CDH4: variants seen among roughly 807,000 people sequenced by gnomAD.
CDH4 encodes cadherin 4.
In CDH4, 33 loss-of-function variants were observed where a neutral mutation model predicts 86.0. The ratio of observed to expected loss-of-function variants is 0.38; its 90% CI spans 0.29 to 0.51. The LOEUF is 0.51. Ranked by LOEUF, CDH4 falls within the 20% of genes least tolerant of loss-of-function variation. CDH4 has a pLI of 0.86. For synonymous variants in CDH4, 555 were observed against 549.4 expected (o/e 1.01, Z -0.14); for missense variants, 1,114 against 1,307.4 (o/e 0.85, Z 2.28).
chr20:61,766,360 C>T (rs2145976958), intron 3 of CDH4, among the ~76,000 whole-genome samples: 1 of 152,192 alleles, frequency 6.6e-6, no homozygotes. Flanking sequence ...CAGAGCTCAT[C>T]CTAGGCCCCC....
intron 2 of CDH4, among the ~76,000 whole-genome samples, chr20:61,554,877 T>C (rs368158989): frequency 0.041 from 5,582 of 134,734 alleles, 246 homozygotes; most frequent in African/African-American, 0.14. Flanking sequence ...TGTGTCTGAG[T>C]AAGCTCACGT....
intron 2 of CDH4, among the ~76,000 whole-genome samples, chr20:61,321,027 C>T (rs1243652214): frequency 6.6e-6 from 1 of 152,050 alleles, no homozygotes; most frequent in Non-Finnish European, 1.5e-5. Context: ...TTTAAACCCC[C>T]GGGTCCTTCC....
At chr20:61,365,685 G>A (rs1482776611) in intron 2 of CDH4, among the ~76,000 whole-genome samples, 5 of 152,294 alleles carry the variant, frequency 3.3e-5, no homozygotes, top group Admixed American at 6.5e-5. Flanking sequence ...ACTCATTGAC[G>A]CAGCAGAGTC....
intron 2 of CDH4, among the ~76,000 whole-genome samples, chr20:61,720,988 C>T (rs905011742): frequency 3.3e-5 from 5 of 152,144 alleles, no homozygotes; most frequent in Admixed American, 6.5e-5. Context: ...ATCCGACGTT[C>T]CGAGGGTTCA....
intron 2 of CDH4, among the ~76,000 whole-genome samples, chr20:61,329,064 G>C (rs2084553804): frequency 6.6e-6 from 1 of 152,184 alleles, no homozygotes. Context: ...GTAACATGTT[G>C]AGTGTCTTGT....
intron 9 of CDH4, among the ~76,000 whole-genome samples, chr20:61,918,933 C>T (rs536305149): frequency 7.9e-5 from 12 of 152,160 alleles, no homozygotes; most frequent in African/African-American, 2.4e-4. Flanking sequence ...TGCAGTGGTA[C>T]GATCACTGCT....
chr20:61,602,876 G>A (rs1387066251), intron 2 of CDH4, among the ~76,000 whole-genome samples: 2 of 152,182 alleles, frequency 1.3e-5, no homozygotes, highest in East Asian at 1.9e-4. Context: ...AACGTGTTAC[G>A]GTTTCGCTTC....
chr20:61,927,989 G>A (rs1266675294), intron 11 of CDH4, among the ~76,000 whole-genome samples: 4 of 152,336 alleles, frequency 2.6e-5, no homozygotes, highest in Admixed American at 6.5e-5. Flanking sequence ...GCAGGGTGTC[G>A]GTCAGGAGCC....
Position 61,578,244 on chromosome 20 carries a change from A to G in CDH4, c.170-165319A>G, listed in dbSNP as rs1212036076. 2.0e-5 allele frequency among the ~76,000 whole-genome samples: 3 copies of G among 152,194 alleles called. No homozygotes were observed. In the East Asian group the frequency reaches 5.8e-4, roughly 29 times the overall value. On this transcript the variant is annotated intron_variant, in intron 2 of 15. Coordinates refer to ENST00000614565, the MANE Select transcript of CDH4 (RefSeq NM_001794.5). ...CCCACCAAAGAGAATGGCTACTGAG[A>G]ATGTGTTGGGCACCAGGGAGAGGCC...
In CDH4 at chr20:61,744,359, GGA is replaced by G. The variant is rs2088383193; in HGVS notation, c.396+574_396+575del. On this transcript the variant is annotated intron_variant, in intron 3 of 15. Coordinates refer to ENST00000614565, the MANE Select transcript of CDH4 (RefSeq NM_001794.5). ...GAGAGAGACAGGAAAGGAGAGGGAG[GGA>G]GAGGAAGAGAGGGAGAGAGAGAAGG... Among the ~76,000 whole-genome samples, 3 of 150,298 alleles carry G rather than the reference GGA, an allele frequency of 2.0e-5. No homozygotes were observed. In the South Asian group the frequency reaches 6.4e-4, roughly 32 times the overall value.
Position 61,911,400 on chromosome 20 carries a change from C to T in CDH4, c.1374+793C>T, listed in dbSNP as rs114420530. On this transcript the variant is annotated intron_variant, in intron 9 of 15. Coordinates refer to ENST00000614565, the MANE Select transcript of CDH4 (RefSeq NM_001794.5). ...TTCTACACTCATAATTCATATTCCCCTGGAAGGGCAGATTGGGAATTATAT... is the reference window on the plus strand; with the variant it reads ...TTCTACACTCATAATTCATATTCCCTTGGAAGGGCAGATTGGGAATTATAT... 1.5e-3 allele frequency among the ~76,000 whole-genome samples: 230 copies of T among 152,304 alleles called. 3 individuals are homozygous for T. The highest frequency in any genetic ancestry group is 5.4e-3 in the African/African-American group (225 of 41,560).
intron 2 of CDH4, among the ~76,000 whole-genome samples, chr20:61,710,854 G>A (rs551811244): frequency 1.7e-3 from 254 of 152,320 alleles, no homozygotes; most frequent in African/African-American, 5.7e-3. Context: ...CCTGAAAGGG[G>A]GTCCCTGCCC....
intron 9 of CDH4, among the ~76,000 whole-genome samples, chr20:61,922,458 C>T (rs1297516272): frequency 6.6e-6 from 1 of 152,210 alleles, no homozygotes; most frequent in Non-Finnish European, 1.5e-5. Flanking sequence ...AATGCAGGGG[C>T]CAAGTGCAGC....
chr20:61,893,851 A>G (rs1337264909), intron 7 of CDH4, among the ~76,000 whole-genome samples: 2 of 149,936 alleles, frequency 1.3e-5, no homozygotes, highest in African/African-American at 2.5e-5. Flanking sequence ...GGCTGGGTGG[A>G]TGGATGGATG....
chr20:61,677,455 A>C (rs2087455472), intron 2 of CDH4, among the ~76,000 whole-genome samples: 1 of 152,186 alleles, frequency 6.6e-6, no homozygotes, highest in Non-Finnish European at 1.5e-5. Context: ...CTTTTTGTTA[A>C]TGTGTTATAG....
rs1981503635 is a variant in CDH4, at chr20:61,829,717, C to T, written c.577-14951C>T. Among the ~76,000 whole-genome samples the T allele has an allele frequency of 6.6e-6, 1 of 152,176 alleles. No individual in the cohort carries two copies. Among genetic ancestry groups the T allele is most frequent in the Admixed American group, 6.5e-5 (1 of 15,282 alleles). On this transcript the variant is annotated intron_variant, in intron 4 of 15. Coordinates refer to ENST00000614565, the MANE Select transcript of CDH4 (RefSeq NM_001794.5). The surrounding 1 kb of genome is among the most constrained non-coding windows in gnomAD (Gnocchi z 4.2). ...CCAGGAGGCTCCCTCTGTGCCGACGCCCGTGGGCTGCAGACGGGTGGGTGA... is the reference window on the plus strand; with the variant it reads ...CCAGGAGGCTCCCTCTGTGCCGACGTCCGTGGGCTGCAGACGGGTGGGTGA...
chr20:61,830,273 C>G (rs1461687534), intron 4 of CDH4, among the ~76,000 whole-genome samples: 1 of 152,166 alleles, frequency 6.6e-6, no homozygotes, highest in Non-Finnish European at 1.5e-5. Context: ...CGCAGCACGG[C>G]ACATCCTGGG....
chr20:61,486,983 C>T (rs2085600280), intron 2 of CDH4, among the ~76,000 whole-genome samples: 1 of 152,136 alleles, frequency 6.6e-6, no homozygotes, highest in African/African-American at 2.4e-5. Flanking sequence ...CGTGTGTACC[C>T]AGTGGTGCCT....
At chr20:61,934,771 A>G (rs1333654748) in intron 15 of CDH4, among the ~76,000 whole-genome samples, 1 of 127,768 alleles carries the variant, frequency 7.8e-6, no homozygotes, top group Non-Finnish European at 1.6e-5. Flanking sequence ...AGCAGGTGGG[A>G]GCCACACAGA....
Sources: allele counts gnomAD v4.1 joint callset (sites outside exome capture counted in the v4.1 genomes callset), GRCh38; gene constraint gnomAD v4.1.1; non-coding constraint Gnocchi (gnomAD v3.1); transcripts MANE v1.5; gene names NCBI Gene and HGNC (gene_info 2026-07-23, HGNC 2026-07-21).